The following CWF19L1 variants were observed in gnomAD, a reference collection of about 807,000 sequenced individuals.
CWF19L1 encodes the protein CWF19 like cell cycle control factor 1, also known as CWF19-like protein 1.
A neutral mutation model predicts 69.7 loss-of-function variants in CWF19L1; 60 were observed. That is an observed-to-expected ratio of 0.86 (90% CI 0.70 to 1.07). The LOEUF (loss-of-function observed/expected upper bound fraction) is 1.07. Among genes scored for constraint, CWF19L1 ranks in the 50% least tolerant of loss-of-function variants. The pLI is 0.00. For missense variants in CWF19L1, 591 were observed against 638.9 expected (o/e 0.92, Z 0.81); for synonymous variants, 209 against 222.2 (o/e 0.94, Z 0.53).
intron 1 of CWF19L1, among the ~76,000 whole-genome samples, chr10:100,264,761 G>C (rs922241217): frequency 1.3e-5 from 2 of 152,066 alleles, no homozygotes; most frequent in African/African-American, 2.4e-5. Flanking sequence ...GAGGTGAACA[G>C]CAGTGATACT....
intron 1 of CWF19L1, among the ~76,000 whole-genome samples, chr10:100,266,737 C>T (rs1415355866): frequency 6.7e-6 from 1 of 150,270 alleles, no homozygotes; most frequent in Admixed American, 6.6e-5. Flanking sequence ...CCAGGCTGGT[C>T]TCGAACTCCT....
intron 1 of CWF19L1, among the ~76,000 whole-genome samples, chr10:100,264,851 T>C (rs747486280): frequency 6.6e-6 from 1 of 152,050 alleles, no homozygotes; most frequent in Non-Finnish European, 1.5e-5. Context: ...CCAGGCACAG[T>C]GGCTCACGTC....
chr10:100,255,580 T>G (rs1272290939), intron 5 of CWF19L1, among the ~76,000 whole-genome samples: 1 of 152,060 alleles, frequency 6.6e-6, no homozygotes, highest in African/African-American at 2.4e-5. Context: ...CTGGGCAACA[T>G]GCTGAAACCC....
At chr10:100,248,470 G>A (rs900130454) in intron 7 of CWF19L1, 4 of 679,026 alleles carry the variant, frequency 5.9e-6, no homozygotes, top group African/African-American at 5.3e-5. Flanking sequence ...TTTGACTGCT[G>A]TTCTTGACCA....
chr10:100,238,314 C>T, intron 10 of CWF19L1, 83 bp from the exon 11 acceptor site: 1 of 1,302,314 alleles, frequency 7.7e-7, no homozygotes, highest in Non-Finnish European at 1.1e-6. Flanking sequence ...AAAAGTGAGC[C>T]TGAGGGTGTA....
At chr10:100,236,097 GCCT>G (rs1290322358) in intron 12 of CWF19L1, among the ~76,000 whole-genome samples, 1 of 146,362 alleles carries the variant, frequency 6.8e-6, no homozygotes, top group Non-Finnish European at 1.5e-5. Flanking sequence ...ATTGTCCACT[GCCT>G]CTTTTTTTTT....
chr10:100,246,808 A>G lies in CWF19L1; in HGVS notation c.836T>C (p.Ile279Thr). Residue 279 changes from isoleucine to threonine, a missense_variant, in exon 8 of 14, where the codon ATT becomes ACT. Transcript: ENST00000354105. ...SGQEASIGKQILAPVEESACQ... is the reference protein window; with the variant it reads ...SGQEASIGKQTLAPVEESACQ... ...ATCAGAACATACCACAGGGGCAAGA[A>G]TTTGCTTTCCTATGGATGCTTCCTG... The G allele has an allele frequency of 2.5e-6, 4 of 1,613,630 alleles. No homozygotes were observed. In the East Asian group the frequency reaches 6.7e-5, roughly 27 times the overall value.
At chr10:100,262,697 G>A (rs1847447196) in intron 1 of CWF19L1, among the ~76,000 whole-genome samples, 1 of 152,106 alleles carries the variant, frequency 6.6e-6, no homozygotes. Context: ...AGTGTTATGG[G>A]GCAGGAAGTA....
rs548979708 is a variant in CWF19L1 at position 100,256,129 on chromosome 10, A to G, written c.504+133T>C. ...TGACAGAACTTTTAGAATCCTGAAA[A>G]TTTTCACAGAAGACTTCTAATAAAA... On this transcript the variant is annotated intron_variant, in intron 5 of 13. Coordinates refer to ENST00000354105, the MANE Select transcript of CWF19L1 (RefSeq NM_018294.6). The G allele has an allele frequency of 9.0e-6, 6 of 668,948 alleles. No individual in the cohort carries two copies. In the South Asian group the frequency reaches 1.2e-4, roughly 13 times the overall value. 41.4% of individuals were successfully genotyped at this position (668,948 alleles called of 1,614,324 possible).
chr10:100,233,147 CA>C lies in CWF19L1; in HGVS notation c.*79del, dbSNP rs1270088683. ...TGGGTGACAGAGCGAGACTTTGTCT[CA>C]AAAAAAATTCTTTTAATTAAAAAAA... is the stretch of plus-strand genomic sequence containing the variant. On this transcript the variant is annotated 3_prime_UTR_variant, in exon 14 of 14. Transcript: ENST00000354105. 5.7e-5 allele frequency: 79 copies of C among 1,393,496 alleles called. No individual in the cohort carries two copies. Among genetic ancestry groups the C allele is most frequent in the Admixed American group, 1.9e-4 (8 of 41,886 alleles). The allele number at this position is 1,393,496 out of a possible 1,614,324, so 86.3% of individuals were successfully genotyped here.
In CWF19L1 at chr10:100,260,966, C is replaced by T. The variant is rs2134321809; in HGVS notation, c.187G>A (p.Ala63Thr). 4 of 1,590,480 alleles carry T rather than the reference C, an allele frequency of 2.5e-6. No homozygotes were observed. The highest frequency in any genetic ancestry group is 3.4e-6 in the Non-Finnish European group (4 of 1,163,856). The change falls in exon 3 of 14, where the codon GCT (alanine) becomes ACT (threonine). Residue 63 changes from alanine (A) to threonine (T), a missense_variant and splice_region_variant. Physicochemically the swap from Ala to Thr is moderately conservative, Grantham distance 58. Transcript: ENST00000354105. ...WEEYKTGIKK[A>T]PIQTYVLGAN... ...TGTTAAATAAAAATAATTTCTATAC[C>T]TTTCTTGATGCCAGTCTTATACTCC... is the stretch of plus-strand genomic sequence containing the variant.
At chr10:100,249,273 T>G (rs1468014948) in intron 7 of CWF19L1, among the ~76,000 whole-genome samples, 1 of 152,008 alleles carries the variant, frequency 6.6e-6, no homozygotes, top group African/African-American at 2.4e-5. Flanking sequence ...AAAAACAAAA[T>G]ATCGATTTGC....
At chr10:100,250,011 T>C (rs12256097) in intron 7 of CWF19L1, 9,621 of 524,854 alleles carry the variant, frequency 0.018, 749 homozygotes, top group African/African-American at 0.17. Flanking sequence ...ACTGTTCATT[T>C]GATATTTTGC....
At chr10:100,250,487 C>G (rs1028139197) in intron 6 of CWF19L1, among the ~76,000 whole-genome samples, 155 bp from the exon 7 acceptor site, 1 of 152,118 alleles carries the variant, frequency 6.6e-6, no homozygotes, top group Non-Finnish European at 1.5e-5. Context: ...ATCTATCCGT[C>G]TAATAGGGCA....
At chr10:100,261,177 T>C in intron 2 of CWF19L1, 133 bp from the exon 3 acceptor site, 1 of 616,144 alleles carries the variant, frequency 1.6e-6, no homozygotes, top group Admixed American at 2.9e-5. Context: ...CAGATTTCAA[T>C]ATACAATTCT....
rs1334731671 is a variant in CWF19L1, at chr10:100,245,902, G to A, written c.861C>T (p.Ala287=). ...KQILAPVEES[A]CQFFFDLNEK... ...CATTTAAATCAAAGAAAAACTGACA[G>A]GCTGATTCTTCCTGGAATGGCCAAA... The change falls in exon 9 of 14, where the codon GCC becomes GCT. Residue 287 remains alanine (A), a synonymous_variant. Coordinates refer to ENST00000354105, the MANE Select transcript of CWF19L1 (RefSeq NM_018294.6). 6 of 1,613,286 alleles carry A rather than the reference G, an allele frequency of 3.7e-6. No individual in the cohort carries two copies. Among genetic ancestry groups the A allele is most frequent in the Non-Finnish European group, 5.1e-6 (6 of 1,179,394 alleles).
chr10:100,246,667 A>T, intron 8 of CWF19L1, 128 bp downstream of exon 8: 1 of 976,138 alleles, frequency 1.0e-6, no homozygotes, highest in Non-Finnish European at 1.4e-6. Context: ...AAGATTTTCT[A>T]AACATCATCA....
At chr10:100,237,970 A>G (rs762490064) in intron 11 of CWF19L1, 52 bp downstream of exon 11, 5 of 1,524,030 alleles carry the variant, frequency 3.3e-6, no homozygotes, top group Non-Finnish European at 3.6e-6. Context: ...TTATTTACCA[A>G]TATCAAAGTC....
At chr10:100,248,324 C>A in intron 7 of CWF19L1, 1 of 1,243,720 alleles carries the variant, frequency 8.0e-7, no homozygotes, top group Non-Finnish European at 1.2e-6. Flanking sequence ...TTGCAGGAGA[C>A]GTGGTGAACT....
Sources: allele counts gnomAD v4.1 joint callset (sites outside exome capture counted in the v4.1 genomes callset), GRCh38; gene constraint gnomAD v4.1.1; transcripts MANE v1.5; gene names NCBI Gene and HGNC (gene_info 2026-07-23, HGNC 2026-07-21).